The following PAOX variants were observed in gnomAD, a reference collection of about 807,000 sequenced individuals.
PAOX encodes the protein peroxisomal N(1)-acetyl-spermine/spermidine oxidase.
Under a neutral mutation model 39.0 loss-of-function variants are expected in PAOX, and 38 were observed. The observed-to-expected ratio is 0.97, with a 90% confidence interval of 0.75 to 1.28. PAOX has a LOEUF of 1.28. Among genes scored for constraint, PAOX ranks in the 50% most tolerant of loss-of-function variants. The probability of loss-of-function intolerance (pLI) is 0.00; values close to 1 mark genes in which losing one functional copy is unlikely to be tolerated. For missense variants in PAOX, 667 were observed against 685.7 expected (o/e 0.97, Z 0.30); for synonymous variants, 311 against 314.4 (o/e 0.99, Z 0.11).
intron 4 of PAOX, among the ~76,000 whole-genome samples, chr10:133,386,015 A>G (rs1304016727): frequency 7.7e-6 from 1 of 129,404 alleles, no homozygotes; most frequent in Non-Finnish European, 1.6e-5. Flanking sequence ...CTTTTCTGCA[A>G]AACTTTTTTT....
chr10:133,391,257 C>T, intron 6 of PAOX, 55 bp from the exon 7 acceptor site: 2 of 1,559,032 alleles, frequency 1.3e-6, no homozygotes, highest in Non-Finnish European at 8.8e-7. Flanking sequence ...GTTTCCTTGC[C>T]CAGACCCTGC....
Position 133,389,740 on chromosome 10 carries a change from G to T in PAOX, c.1385G>T (p.Gly462Val). ...CAGCCCCTCCCTGCAGACGGCGCCG[G>T]CGCCCAGGTATGTGGCGTGCCCCAG... ...LAQPLPADGA[G>V]AQLQILFAGE... is the part of the protein sequence containing the mutation. The change falls in exon 6 of 7, where the codon GGC (glycine) becomes GTC (valine). Residue 462 changes from glycine to valine, a missense_variant. Physicochemically the swap from Gly to Val is moderately radical, Grantham distance 109 (BLOSUM62 -3). Transcript: ENST00000278060. 6.5e-7 allele frequency: 1 copy of T among 1,541,194 alleles called. No individual in the cohort carries two copies. The highest frequency in any genetic ancestry group is 8.7e-7 in the Non-Finnish European group (1 of 1,142,968).
At position 133,391,110 on chromosome 10, in the gene PAOX, T is replaced by C. The variant is rs564372101; in HGVS notation, c.1393-202T>C. 43 of 706,526 alleles carry C rather than the reference T, an allele frequency of 6.1e-5. No homozygotes were observed. The Admixed American group carries it at 8.2e-4, about 13-fold the overall frequency. 43.8% of individuals were successfully genotyped at this position (706,526 alleles called of 1,614,324 possible). ...GTTGATGGATACATGTGAGCTGTTTTCCTGCCCGTTGGTGGATGTGTGTGA... is the reference window on the plus strand; with the variant it reads ...GTTGATGGATACATGTGAGCTGTTTCCCTGCCCGTTGGTGGATGTGTGTGA... On this transcript the variant is annotated intron_variant, in intron 6 of 6. Coordinates refer to ENST00000278060, the MANE Select transcript of PAOX (RefSeq NM_152911.4).
Position 133,384,115 on chromosome 10 carries a change from G to C in PAOX, c.1024G>C (p.Val342Leu). ...GCCAGACTGCCAGCTGATCCAGCTGGTGTGGGAGGACACGTCGCCCCTGGA... is the reference window on the plus strand; with the variant it reads ...GCCAGACTGCCAGCTGATCCAGCTGCTGTGGGAGGACACGTCGCCCCTGGA... ...WEPDCQLIQL[V>L]WEDTSPLEDA... is the part of the protein sequence containing the mutation. The change falls in exon 4 of 7, where the codon GTG becomes CTG. Residue 342 changes from valine to leucine, a missense_variant. Coordinates refer to ENST00000278060, the MANE Select transcript of PAOX (RefSeq NM_152911.4). The surrounding 1 kb of genome is among the most constrained non-coding windows in gnomAD (Gnocchi z 4.3). 2 of 1,614,218 alleles carry C rather than the reference G, an allele frequency of 1.2e-6. No individual in the cohort carries two copies. The highest frequency in any genetic ancestry group is 1.7e-6 in the Non-Finnish European group (2 of 1,180,038).
chr10:133,388,515 G>A (rs941461761), intron 4 of PAOX, among the ~76,000 whole-genome samples: 2 of 152,232 alleles, frequency 1.3e-5, no homozygotes, highest in African/African-American at 2.4e-5. Context: ...TGGTGGGAAC[G>A]CCTGTAGGCG....
At chr10:133,386,018 CTTT>C (rs60370984) in intron 4 of PAOX, among the ~76,000 whole-genome samples, 9 of 141,268 alleles carry the variant, frequency 6.4e-5, no homozygotes, top group Non-Finnish European at 6.1e-5. Context: ...TTCTGCAAAA[CTTT>C]TTTTTTTTTT....
At chr10:133,388,240 A>G (rs556679635) in intron 4 of PAOX, among the ~76,000 whole-genome samples, 34 of 152,158 alleles carry the variant, frequency 2.2e-4, no homozygotes, top group Non-Finnish European at 4.6e-4. Flanking sequence ...GATTAGTTCT[A>G]TCACCCAGGA....
At position 133,391,383 on chromosome 10, in the gene PAOX, G is replaced by C; in HGVS notation, c.1464G>C (p.Ser488=). The change falls in exon 7 of 7, where the codon TCG becomes TCC. Residue 488 remains serine, a synonymous_variant. Coordinates refer to ENST00000278060, the MANE Select transcript of PAOX (RefSeq NM_152911.4). Reference sequence around the variant, plus strand: ...CCACGACGCACGGGGCTCTGCTGTCGGGATGGAGGGAGGCCGACCGCCTCC... The same window carrying C: ...CCACGACGCACGGGGCTCTGCTGTCCGGATGGAGGGAGGCCGACCGCCTCC... ...FYSTTHGALL[S]GWREADRLLS... is the part of the protein sequence containing the mutation. 1 of 1,613,374 alleles carries C rather than the reference G, an allele frequency of 6.2e-7. No homozygotes were observed. Among genetic ancestry groups the C allele is most frequent in the Non-Finnish European group, 8.5e-7 (1 of 1,180,026 alleles).
rs778390983 is a variant in PAOX at position 133,391,422 on chromosome 10, C to G, written c.1503C>G (p.Ala501=). Residue 501 remains alanine, a synonymous_variant, in exon 7 of 7, where the codon GCC becomes GCG. Coordinates refer to ENST00000278060, the MANE Select transcript of PAOX (RefSeq NM_152911.4). ...CCGACCGCCTCCTCAGTCTGTGGGCCCCGCAGGTGCAGCAGCCCAGGCCCA... is the reference window on the plus strand; with the variant it reads ...CCGACCGCCTCCTCAGTCTGTGGGCGCCGCAGGTGCAGCAGCCCAGGCCCA... ...READRLLSLW[A]PQVQQPRPRL is the part of the protein sequence containing the mutation. 68 of 1,612,634 alleles carry G rather than the reference C, an allele frequency of 4.2e-5. No homozygotes were observed. The South Asian group carries it at 7.1e-4, about 17-fold the overall frequency.
chr10:133,379,704 C>A, intron 1 of PAOX: 1 of 543,500 alleles, frequency 1.8e-6, no homozygotes. Flanking sequence ...GGGAAGGCGA[C>A]CTACGGCTCC....
rs192148287 is a variant in PAOX, at chr10:133,390,974, G to A, written c.1393-338G>A. 264 of 701,784 alleles carry A rather than the reference G, an allele frequency of 3.8e-4. No individual in the cohort carries two copies. In the African/African-American group the frequency reaches 3.8e-3, roughly 10 times the overall value. 43.5% of individuals were successfully genotyped at this position (701,784 alleles called of 1,614,324 possible). A position where few individuals can be genotyped will look rare whatever the true frequency, so the allele number is the denominator to read the frequency against. On this transcript the variant is annotated intron_variant, in intron 6 of 6. Coordinates refer to ENST00000278060, the MANE Select transcript of PAOX (RefSeq NM_152911.4). Reference sequence around the variant, plus strand: ...ACCCATTGGTGGATGCGTGTGAGCCGTCTTCCCACCCGTTGGTGGATGCGT... The same window carrying A: ...ACCCATTGGTGGATGCGTGTGAGCCATCTTCCCACCCGTTGGTGGATGCGT...
At chr10:133,379,940 G>A (rs1849307117) in intron 1 of PAOX, 59 bp from the exon 2 acceptor site, 2 of 1,500,680 alleles carry the variant, frequency 1.3e-6, no homozygotes, top group Non-Finnish European at 1.8e-6. Context: ...CAGGAGAAGG[G>A]CTCGGGGTGA....
Position 133,384,217 on chromosome 10 carries a change from GT to G in PAOX, c.1121+8del, listed in dbSNP as rs1849476165. On this transcript the variant is annotated splice_donor_region_variant and intron_variant, in intron 4 of 6. Transcript: ENST00000278060. This position sits in a 1 kb window ranked among gnomAD's most constrained non-coding sequence, Gnocchi z 4.3. ...TGTGGTCCTGCCTGCCTTTGCGTAC[GT>G]TTGCTCCCTGAGAAGTTCTGCGAGT... 1 of 1,611,786 alleles carries G rather than the reference GT, an allele frequency of 6.2e-7. No homozygotes were observed. The highest frequency in any genetic ancestry group is 1.1e-5 in the South Asian group (1 of 91,008).
At chr10:133,385,739 A>G (rs1849513612) in intron 4 of PAOX, among the ~76,000 whole-genome samples, 1 of 151,678 alleles carries the variant, frequency 6.6e-6, no homozygotes, top group African/African-American at 2.4e-5. Context: ...ACCCACCACC[A>G]CGCCCGGCTA....
rs1010333358 is a variant in PAOX at position 133,379,835 on chromosome 10, A to C, written c.182-164A>C. ...GCCCTCCTGCCCAGGTGCTCCCCTT[A>C]AACTGGGTCTGACAGGGCCCTGCCC... is the stretch of plus-strand genomic sequence containing the variant. On this transcript the variant is annotated intron_variant, in intron 1 of 6. Transcript: ENST00000278060. 2.3e-5 allele frequency: 21 copies of C among 914,084 alleles called. No homozygotes were observed. The South Asian group carries it at 4.8e-4, about 21-fold the overall frequency. The allele number at this position is 914,084 out of a possible 1,614,324, so 56.6% of individuals were successfully genotyped here.
At position 133,379,866 on chromosome 10, in the gene PAOX, G is replaced by T. The variant is rs1028940201; in HGVS notation, c.182-133G>T. ...GGTCTGACAGGGCCCTGCCCTGGGG[G>T]ACCACAGGGCCCTTGGGGACAGTGT... On this transcript the variant is annotated intron_variant, in intron 1 of 6. Coordinates refer to ENST00000278060, the MANE Select transcript of PAOX (RefSeq NM_152911.4). 3 of 1,205,090 alleles carry T rather than the reference G, an allele frequency of 2.5e-6. No homozygotes were observed. In the South Asian group the frequency reaches 5.2e-5, roughly 21 times the overall value. 74.6% of individuals were successfully genotyped at this position (1,205,090 alleles called of 1,614,324 possible).
At chr10:133,379,815 C>T (rs937221793) in intron 1 of PAOX, 184 bp from the exon 2 acceptor site, 3 of 750,638 alleles carry the variant, frequency 4.0e-6, no homozygotes, top group Non-Finnish European at 5.9e-6. Context: ...CAAGTGCCCT[C>T]CTGCCCAGGT....
At chr10:133,383,864 A>C in intron 3 of PAOX, 96 bp from the exon 4 acceptor site, 1 of 1,442,806 alleles carries the variant, frequency 6.9e-7, no homozygotes, top group Non-Finnish European at 9.4e-7. Context: ...TAGGATAAAC[A>C]CCAGCAGGGG....
In PAOX at chr10:133,380,267, C is replaced by A; in HGVS notation, c.450C>A (p.Thr150=). The A allele has an allele frequency of 1.2e-6, 2 of 1,612,894 alleles. No homozygotes were observed. Among genetic ancestry groups the A allele is most frequent in the Non-Finnish European group, 1.7e-6 (2 of 1,180,018 alleles). Residue 150 remains threonine (T), a synonymous_variant, in exon 2 of 7, where the codon ACC becomes ACA. Coordinates refer to ENST00000278060, the MANE Select transcript of PAOX (RefSeq NM_152911.4). ...QTREFLHAAE[T]PVPSVGEYLK... ...GGGAGTTCCTGCACGCTGCAGAGAC[C>A]CCGGTGCCCAGCGTCGGGGAGTACC...
Sources: gnomAD v4.1 joint callset for allele counts (sites outside exome capture counted in the v4.1 genomes callset) on GRCh38, gnomAD v4.1.1 for gene constraint, Gnocchi (gnomAD v3.1) non-coding constraint, MANE v1.5 for transcripts, NCBI Gene and HGNC (gene_info 2026-07-23, HGNC 2026-07-21) for gene names.